GDAP2: variants seen among roughly 807,000 people sequenced by gnomAD.
GDAP2 encodes the protein ganglioside-induced differentiation-associated protein 2.
In GDAP2, 51 loss-of-function variants were observed where a neutral mutation model predicts 67.0. That is an observed-to-expected ratio of 0.76 (90% CI 0.61 to 0.96). The LOEUF (loss-of-function observed/expected upper bound fraction) is 0.96, where lower values mean the gene tolerates loss of function less well. Among genes scored for constraint, GDAP2 ranks in the 40% least tolerant of loss-of-function variants. GDAP2 has a pLI of 0.00. For synonymous variants in GDAP2, 203 were observed against 207.3 expected, an observed-to-expected ratio of 0.98 and a Z score of 0.18; for missense variants, 547 against 588.3, an observed-to-expected ratio of 0.93 and a Z score of 0.73.
intron 3 of GDAP2, among the ~76,000 whole-genome samples, chr1:117,913,932 C>T (rs973935645): frequency 5.9e-5 from 9 of 152,116 alleles, no homozygotes; most frequent in African/African-American, 1.9e-4. Context: ...CTCTCTGCCA[C>T]GTGAAAATAC....
chr1:117,916,992 C>G (rs1234776053), intron 3 of GDAP2, among the ~76,000 whole-genome samples: 1 of 151,500 alleles, frequency 6.6e-6, no homozygotes, highest in East Asian at 1.9e-4. Flanking sequence ...CAAGATCACA[C>G]CACTGCACTC....
rs1649174228 is a variant in GDAP2 at position 117,893,976 on chromosome 1, G to A, written c.953+2857C>T. 1.3e-5 allele frequency among the ~76,000 whole-genome samples: 2 copies of A among 152,076 alleles called. 1 individual carries two copies. Among genetic ancestry groups the A allele is most frequent in the South Asian group, 4.1e-4 (2 of 4,832 alleles). On this transcript the variant is annotated intron_variant, in intron 8 of 13. Transcript: ENST00000369443. The stretch of plus-strand genomic sequence containing the variant: ...TTTTTTTAAAAAAGCTGTATTTAGA[G>A]AAGAGTTGTATTTTTTAACTTGCAA...
chr1:117,870,567 G>T lies in GDAP2; in HGVS notation c.*2C>A. 6.3e-7 allele frequency: 1 copy of T among 1,591,762 alleles called. No homozygotes were observed. The highest frequency in any genetic ancestry group is 8.6e-7 in the Non-Finnish European group (1 of 1,159,908). On this transcript the variant is annotated 3_prime_UTR_variant, in exon 14 of 14. Transcript: ENST00000369443. Reference sequence around the variant, plus strand: ...AACCAAGAAGCACTGAAAGATGGCAGGTCACAAATCTGGTGATGGGGGATA... The same window carrying T: ...AACCAAGAAGCACTGAAAGATGGCATGTCACAAATCTGGTGATGGGGGATA...
chr1:117,914,449 T>G (rs1033698263), intron 3 of GDAP2, among the ~76,000 whole-genome samples: 4 of 151,814 alleles, frequency 2.6e-5, no homozygotes, highest in Admixed American at 2.0e-4. Flanking sequence ...ATGAGAAAAC[T>G]GAAGAATTAA....
chr1:117,901,889 A>C (rs1649483905), intron 6 of GDAP2, among the ~76,000 whole-genome samples: 1 of 152,162 alleles, frequency 6.6e-6, no homozygotes, highest in African/African-American at 2.4e-5. Flanking sequence ...TCCTGGTCTA[A>C]ATCATCCAGG....
chr1:117,871,821 A>C (rs1453898028), intron 13 of GDAP2, among the ~76,000 whole-genome samples: 2 of 152,008 alleles, frequency 1.3e-5, no homozygotes, highest in Non-Finnish European at 2.9e-5. Flanking sequence ...ACCTTAATAA[A>C]ACCTTTTTTT....
chr1:117,924,662 C>A (rs1040531237), intron 1 of GDAP2, among the ~76,000 whole-genome samples: 1 of 152,234 alleles, frequency 6.6e-6, no homozygotes, highest in South Asian at 2.1e-4. Context: ...ATTTATATAA[C>A]AATTTCAGAA....
Position 117,906,513 on chromosome 1 carries a change from AG to A in GDAP2, c.628del (p.Glu211LysfsTer17). ...TAACAGTTAGCAAAATACCTCTTCA[AG>A]ATCAGAGACAGCAAATACTACTTTT... ...IEKVVFAVSD[L>X]EEGTYQKLLP... On this transcript the variant is annotated frameshift_variant, in exon 6 of 14. Coordinates refer to ENST00000369443, the MANE Select transcript of GDAP2 (RefSeq NM_017686.4). LOFTEE classifies it high-confidence loss of function. 6.5e-7 allele frequency: 1 copy of A among 1,538,418 alleles called. No individual in the cohort carries two copies. Among genetic ancestry groups the A allele is most frequent in the South Asian group, 1.1e-5 (1 of 88,058 alleles).
chr1:117,921,556 C>G (rs981127265), intron 1 of GDAP2, among the ~76,000 whole-genome samples: 1 of 152,088 alleles, frequency 6.6e-6, no homozygotes, highest in African/African-American at 2.4e-5. Context: ...TGGTATATTA[C>G]AGGAGGAGCA....
intron 2 of GDAP2, among the ~76,000 whole-genome samples, chr1:117,919,254 G>C (rs1416425702): frequency 6.6e-6 from 1 of 151,764 alleles, no homozygotes; most frequent in Non-Finnish European, 1.5e-5. Context: ...GGCACCTGTA[G>C]TCCCAGCTAC....
At chr1:117,890,160 G>A (rs1440474008) in intron 8 of GDAP2, among the ~76,000 whole-genome samples, 1 of 152,052 alleles carries the variant, frequency 6.6e-6, no homozygotes, top group Non-Finnish European at 1.5e-5. Context: ...AAATATGTAT[G>A]CTGAGAAGGG....
At chr1:117,921,995 G>A (rs569037542) in intron 1 of GDAP2, among the ~76,000 whole-genome samples, 14 of 152,046 alleles carry the variant, frequency 9.2e-5, no homozygotes, top group Non-Finnish European at 1.8e-4. Context: ...GCTATTTACC[G>A]AGAAGGGAAA....
At chr1:117,908,354 C>T (rs1160450755) in intron 5 of GDAP2, among the ~76,000 whole-genome samples, 3 of 152,052 alleles carry the variant, frequency 2.0e-5, no homozygotes, top group East Asian at 1.9e-4. Context: ...CAATTTATGG[C>T]TCAGTTACAT....
intron 3 of GDAP2, 133 bp from the exon 4 acceptor site, chr1:117,912,816 C>G (rs113982765): frequency 1.4e-6 from 1 of 718,764 alleles, no homozygotes; most frequent in Non-Finnish European, 2.4e-6. Context: ...TGAACACAAG[C>G]ATTTATCTCT....
chr1:117,878,243 AT>A, intron 12 of GDAP2, 91 bp from the exon 13 acceptor site: 1 of 623,278 alleles, frequency 1.6e-6, no homozygotes, highest in Non-Finnish European at 2.7e-6. Flanking sequence ...GATAAAAACT[AT>A]ATTTCAAAGT....
intron 13 of GDAP2, chr1:117,877,180 G>GA (rs369010068): frequency 9.1e-6 from 5 of 546,782 alleles, no homozygotes; most frequent in Non-Finnish European, 1.2e-5. Flanking sequence ...CACATAAGGG[G>GA]AAAAAAATTA....
At chr1:117,878,553 C>T (rs1305543024) in intron 12 of GDAP2, among the ~76,000 whole-genome samples, 1 of 152,192 alleles carries the variant, frequency 6.6e-6, no homozygotes, top group East Asian at 1.9e-4. Flanking sequence ...CCAAATCTCA[C>T]ACTGTGAATT....
At position 117,870,325 on chromosome 1, in the gene GDAP2, A is replaced by G; in HGVS notation, c.*244T>C. 1 of 497,216 alleles carries G rather than the reference A, an allele frequency of 2.0e-6. No homozygotes were observed. The highest frequency in any genetic ancestry group is 2.8e-5 in the South Asian group (1 of 36,320). 30.8% of individuals were successfully genotyped at this position (497,216 alleles called of 1,614,324 possible). A position where few individuals can be genotyped will look rare whatever the true frequency, so the allele number is the denominator to read the frequency against. On this transcript the variant is annotated 3_prime_UTR_variant, in exon 14 of 14. Coordinates refer to ENST00000369443, the MANE Select transcript of GDAP2 (RefSeq NM_017686.4). Reference sequence around the variant, plus strand: ...AGTTGCTCCCCAATTTCTATTAACAATCTAAAAATGAACATTTCCATTTCA... The same window carrying G: ...AGTTGCTCCCCAATTTCTATTAACAGTCTAAAAATGAACATTTCCATTTCA...
chr1:117,887,870 T>C (rs949270101), intron 8 of GDAP2, 96 bp from the exon 9 acceptor site: 3 of 699,586 alleles, frequency 4.3e-6, no homozygotes, highest in Non-Finnish European at 7.6e-6. Flanking sequence ...ACCCTAAAAA[T>C]TTTCAAGTAT....
Sources: allele counts gnomAD v4.1 joint callset (sites outside exome capture counted in the v4.1 genomes callset), GRCh38; gene constraint gnomAD v4.1.1; transcripts MANE v1.5; gene names NCBI Gene and HGNC (gene_info 2026-07-23, HGNC 2026-07-21).